CCDC30: variants seen among roughly 807,000 people sequenced by gnomAD.
CCDC30 encodes the protein coiled-coil domain-containing protein 30.
Under a neutral mutation model 100.2 loss-of-function variants are expected in CCDC30, and 70 were observed. The observed-to-expected ratio is 0.70, with a 90% CI of 0.58 to 0.85. The LOEUF is 0.85. Among genes scored for constraint, CCDC30 ranks in the 40% least tolerant of loss-of-function variants. The pLI is 0.00. For synonymous variants in CCDC30, 233 were observed against 269.5 expected, an observed-to-expected ratio of 0.86 and a Z score of 1.33; for missense variants, 652 against 771.2, an observed-to-expected ratio of 0.85 and a Z score of 1.83.
chr1:42,634,372 G>A (rs1366767792), intron 11 of CCDC30, among the ~76,000 whole-genome samples: 14 of 152,132 alleles, frequency 9.2e-5, no homozygotes, highest in African/African-American at 3.4e-4. Context: ...GCATCTGGTG[G>A]GTGGGGGCCA....
chr1:42,542,673 C>A lies in CCDC30; in HGVS notation c.457-23623C>A, dbSNP rs7540966. 283 of 139,158 alleles carry A rather than the reference C, an allele frequency of 2.0e-3. 19 individuals carry two copies. The highest frequency in any genetic ancestry group is 7.2e-3 in the African/African-American group (277 of 38,644). 8.6% of individuals were successfully genotyped at this position (139,158 alleles called of 1,614,324 possible). ...TCACGCCATTCTCCTGCCTCAGCCT[C>A]CCGAGTAGCTGGGACTACAGGCGCC... is the stretch of plus-strand genomic sequence containing the variant. On this transcript the variant is annotated intron_variant, in intron 6 of 16. Transcript: ENST00000668663.
At chr1:42,456,915 GC>G in the CCDC30 span, 1 of 1,610,594 alleles carries the variant, frequency 6.2e-7, no homozygotes, top group Non-Finnish European at 8.5e-7. Flanking sequence ...GGCTTGCTGA[GC>G]CTGGAGGCCG....
chr1:42,580,067 A>G (rs1243225576), intron 8 of CCDC30, among the ~76,000 whole-genome samples: 1 of 152,230 alleles, frequency 6.6e-6, no homozygotes, highest in African/African-American at 2.4e-5. Context: ...AATGGGCTTC[A>G]AGTATTGGAA....
downstream of CCDC30, chr1:42,654,746 T>C (rs1376199411): frequency 1.4e-5 from 2 of 147,636 alleles, no homozygotes; most frequent in Non-Finnish European, 1.5e-5. Context: ...AGTCTCTTAC[T>C]CTGTCACCCA....
At chr1:42,526,757 T>A (rs1325708271) in intron 6 of CCDC30, among the ~76,000 whole-genome samples, 1 of 152,214 alleles carries the variant, frequency 6.6e-6, no homozygotes, top group Non-Finnish European at 1.5e-5. Context: ...GTTTGCCACA[T>A]GCATTGGATA....
intron 6 of CCDC30, among the ~76,000 whole-genome samples, chr1:42,509,624 G>A (rs1369250241): frequency 2.0e-5 from 3 of 152,146 alleles, no homozygotes; most frequent in East Asian, 1.9e-4. Context: ...GTTTGTTACT[G>A]AACACTTTGT....
At chr1:42,651,466 T>C (rs766518279) in intron 15 of CCDC30, among the ~76,000 whole-genome samples, 5 of 149,448 alleles carry the variant, frequency 3.3e-5, no homozygotes, top group African/African-American at 7.4e-5. Flanking sequence ...ACAACAGATA[T>C]ATGAAAAAAA....
At chr1:42,551,751 G>GTA (rs1645256800) in intron 6 of CCDC30, among the ~76,000 whole-genome samples, 2 of 151,184 alleles carry the variant, frequency 1.3e-5, no homozygotes, top group Non-Finnish European at 3.0e-5. Flanking sequence ...TGGTGTGTGT[G>GTA]TGTGTGTGTG....
intron 1 of CCDC30, among the ~76,000 whole-genome samples, chr1:42,466,685 G>A (rs1321120400): frequency 6.6e-6 from 1 of 151,788 alleles, no homozygotes; most frequent in East Asian, 1.9e-4. Flanking sequence ...CTGGGTAGCT[G>A]GGATTACAGG....
chr1:42,498,544 C>T (rs2148476030), intron 5 of CCDC30, among the ~76,000 whole-genome samples: 1 of 152,170 alleles, frequency 6.6e-6, no homozygotes, highest in Admixed American at 6.5e-5. Context: ...TCTAAGTCTT[C>T]ATAAATTTAT....
At chr1:42,608,700 C>G (rs1278772648) in intron 10 of CCDC30, among the ~76,000 whole-genome samples, 3 of 136,492 alleles carry the variant, frequency 2.2e-5, no homozygotes, top group Admixed American at 7.7e-5. Context: ...CAGAGCGCGA[C>G]TCCGTCTCTC....
At chr1:42,630,036 G>A (rs1273139131) in intron 11 of CCDC30, among the ~76,000 whole-genome samples, 6 of 130,410 alleles carry the variant, frequency 4.6e-5, no homozygotes, top group South Asian at 2.5e-4. Flanking sequence ...GTGCAGTGCC[G>A]CAATCTCAGC....
intron 6 of CCDC30, among the ~76,000 whole-genome samples, chr1:42,538,418 A>G (rs1557835245): frequency 6.6e-6 from 1 of 152,026 alleles, no homozygotes; most frequent in Non-Finnish European, 1.5e-5. Context: ...TAATTAAATA[A>G]GCATAATTTG....
chr1:42,636,374 C>A (rs12567607), intron 11 of CCDC30, among the ~76,000 whole-genome samples: 13,932 of 151,980 alleles, frequency 0.092, 740 homozygotes, highest in East Asian at 0.14. Flanking sequence ...CCACTGCACT[C>A]CAGCCTGGGT....
intron 9 of CCDC30, among the ~76,000 whole-genome samples, chr1:42,588,278 A>G (rs139692219): frequency 0.01 from 1,543 of 152,284 alleles, 26 homozygotes; most frequent in African/African-American, 0.035. Context: ...AGACTGAAAG[A>G]GTGCTAATGG....
chr1:42,459,924 T>A, upstream of CCDC30: 1 of 1,601,814 alleles, frequency 6.2e-7, no homozygotes, highest in South Asian at 1.1e-5. Context: ...TGACAGAAAC[T>A]GAAGTAAAAA....
At chr1:42,538,137 A>G (rs1269258352) in intron 6 of CCDC30, among the ~76,000 whole-genome samples, 2 of 130,416 alleles carry the variant, frequency 1.5e-5, no homozygotes, top group Non-Finnish European at 3.1e-5. Flanking sequence ...ACATAGTGGG[A>G]CACTGTCTCC....
Position 42,644,773 on chromosome 1 carries a change from G to A in CCDC30, c.1637G>A (p.Arg546Gln), listed in dbSNP as rs774679471. 1.4e-5 allele frequency: 22 copies of A among 1,612,494 alleles called. No individual in the cohort carries two copies. The highest frequency in any genetic ancestry group is 2.2e-5 in the East Asian group (1 of 44,882). ...ACACAGCAGATTGGCTTCTTAGAGCGAATTATAAGGAGCATCCATATTCGC... is the reference window on the plus strand; with the variant it reads ...ACACAGCAGATTGGCTTCTTAGAGCAAATTATAAGGAGCATCCATATTCGC... Residue 546 changes from arginine (R) to glutamine (Q), a missense_variant, in exon 14 of 17, where the codon CGA becomes CAA. Arg to Gln is a conservative substitution (Grantham distance 43). Coordinates refer to ENST00000668663, the Ensembl canonical transcript of CCDC30.
At chr1:42,470,261 G>C (rs1643725308) in intron 1 of CCDC30, among the ~76,000 whole-genome samples, 1 of 150,074 alleles carries the variant, frequency 6.7e-6, no homozygotes, top group Admixed American at 6.7e-5. Flanking sequence ...TAGTTTAAGA[G>C]AGCAACTGCT....
Sources: gnomAD v4.1 joint callset for allele counts (sites outside exome capture counted in the v4.1 genomes callset) on GRCh38, gnomAD v4.1.1 for gene constraint, MANE v1.5 for transcripts, NCBI Gene and HGNC (gene_info 2026-07-23, HGNC 2026-07-21) for gene names.